Variants in CGA observed in about 807,000 individuals in gnomAD.
CGA encodes the protein glycoprotein hormones alpha chain.
In CGA, 4 loss-of-function variants were observed where a neutral mutation model predicts 12.0. That is an observed-to-expected ratio of 0.33 (90% CI 0.16 to 0.76). CGA has a LOEUF of 0.76. Ranked by LOEUF, CGA falls within the 30% of genes least tolerant of loss-of-function variation. CGA has a pLI of 0.60. For missense variants in CGA, 102 were observed against 143.5 expected (o/e 0.71, Z 1.48); for synonymous variants, 60 against 56.6 (o/e 1.06, Z -0.27).
In CGA at chr6:87,086,005, A is replaced by G. The variant is rs186475201; in HGVS notation, c.274-172T>C. 19 of 665,592 alleles carry G rather than the reference A, an allele frequency of 2.9e-5. No individual in the cohort carries two copies. The Admixed American group carries it at 3.4e-4, about 12-fold the overall frequency. The allele number at this position is 665,592 out of a possible 1,614,324, so 41.2% of individuals were successfully genotyped here. On this transcript the variant is annotated intron_variant, in intron 3 of 3. Coordinates refer to ENST00000627148, the MANE Select transcript of CGA (RefSeq NM_000735.4). ...AATATTTTTAGCACAAGTAAGCTGT[A>G]CTTTCTCCCAACCTGCCCCTTGTCA...
chr6:87,093,911 A>G (rs1315440575), intron 1 of CGA, among the ~76,000 whole-genome samples: 1 of 152,224 alleles, frequency 6.6e-6, no homozygotes, highest in Non-Finnish European at 1.5e-5. Context: ...TAAGAAAACC[A>G]AAGTTGAAAT....
In CGA at chr6:87,094,143, A is replaced by C. The variant is rs575395474; in HGVS notation, c.-8+870T>G. On this transcript the variant is annotated intron_variant, in intron 1 of 3. Coordinates refer to ENST00000627148, the MANE Select transcript of CGA (RefSeq NM_000735.4). Reference sequence around the variant, plus strand: ...GACTTTTGACTGGGAAAAAGATTGAAGAGCTTAAGAAACAAAATATCTACA... The same window carrying C: ...GACTTTTGACTGGGAAAAAGATTGACGAGCTTAAGAAACAAAATATCTACA... Among the ~76,000 whole-genome samples the C allele has an allele frequency of 3.9e-5, 6 of 152,328 alleles. No individual in the cohort carries two copies. The South Asian group carries it at 8.3e-4, about 21-fold the overall frequency.
At chr6:87,088,749 T>A (rs962127421) in intron 1 of CGA, 1 of 152,192 alleles carries the variant, frequency 6.6e-6, no homozygotes, top group African/African-American at 2.4e-5. Flanking sequence ...CACCAAATAC[T>A]GGCATGGATG....
chr6:87,089,657 T>G (rs1769395134), intron 1 of CGA, among the ~76,000 whole-genome samples: 1 of 152,222 alleles, frequency 6.6e-6, no homozygotes, highest in Admixed American at 6.5e-5. Context: ...GGGCTGAGTT[T>G]CTGCTAGATG....
At chr6:87,086,536 G>A (rs1278629527) in intron 2 of CGA, 102 bp from the exon 3 acceptor site, 16 of 1,150,382 alleles carry the variant, frequency 1.4e-5, no homozygotes, top group Non-Finnish European at 2.0e-5. Context: ...TAGCACTTTG[G>A]GAGGCCTTAG....
chr6:87,088,005 A>C (rs1001730548), intron 2 of CGA, 108 bp downstream of exon 2: 10 of 544,044 alleles, frequency 1.8e-5, no homozygotes, highest in Admixed American at 6.8e-5. Flanking sequence ...AGCAGCAAAG[A>C]CTTATTACTT....
At chr6:87,086,506 G>A (rs1451214600) in intron 2 of CGA, 72 bp from the exon 3 acceptor site, 3 of 1,442,376 alleles carry the variant, frequency 2.1e-6, no homozygotes, top group Non-Finnish European at 2.8e-6. Flanking sequence ...GGCCAGCACA[G>A]TAGCTCACGC....
chr6:87,089,496 G>T (rs1033147697), intron 1 of CGA, among the ~76,000 whole-genome samples: 2 of 152,098 alleles, frequency 1.3e-5, no homozygotes, highest in African/African-American at 4.8e-5. Context: ...CAAGCTGAAG[G>T]ATATACAGGA....
rs1769302910 is a variant in CGA, at chr6:87,085,614, AG to A, written c.*141del. On this transcript the variant is annotated 3_prime_UTR_variant, in exon 4 of 4. Transcript: ENST00000627148. ...TGTAGGATAAGGAGGAAGGCAGTAA[AG>A]CTGCAGTATATCCTTGAAGCGTGTC... The A allele has an allele frequency of 1.6e-6, 1 of 643,978 alleles. No homozygotes were observed. 39.9% of individuals were successfully genotyped at this position (643,978 alleles called of 1,614,324 possible). A position where few individuals can be genotyped will look rare whatever the true frequency, so the allele number is the denominator to read the frequency against.
chr6:87,092,558 AAGAAG>A (rs897395584), intron 1 of CGA, among the ~76,000 whole-genome samples: 4 of 151,534 alleles, frequency 2.6e-5, no homozygotes, highest in African/African-American at 7.3e-5. Context: ...AGAAAAAGAA[AAGAAG>A]AGGAGAGGAG....
chr6:87,088,005 A>G, intron 2 of CGA, 108 bp downstream of exon 2: 2 of 544,162 alleles, frequency 3.7e-6, no homozygotes, highest in East Asian at 3.2e-5. Context: ...AGCAGCAAAG[A>G]CTTATTACTT....
In CGA at chr6:87,088,224, C is replaced by CA. The variant is rs71553498; in HGVS notation, c.-7-18dup. The CA allele has an allele frequency of 0.088, 36,249 of 411,570 alleles. 39 individuals are homozygous for CA. The highest frequency in any genetic ancestry group is 0.095 in the South Asian group (1,530 of 16,146). 25.5% of individuals were successfully genotyped at this position (411,570 alleles called of 1,614,324 possible). On this transcript the variant is annotated splice_polypyrimidine_tract_variant and intron_variant, in intron 1 of 3. Transcript: ENST00000627148. ...ATGGCGCTCCTGCAGACAGACATGG[C>CA]AAAAAAAAAAAAACAAAAAACAGTT...
intron 2 of CGA, chr6:87,087,864 A>T (rs1769352685): frequency 3.5e-6 from 1 of 281,856 alleles, no homozygotes; most frequent in East Asian, 5.7e-5. Context: ...AAGAATAAAA[A>T]GGAATCTATT....
intron 1 of CGA, among the ~76,000 whole-genome samples, chr6:87,089,518 A>G (rs1394550788): frequency 1.3e-5 from 2 of 152,188 alleles, no homozygotes; most frequent in African/African-American, 2.4e-5. Flanking sequence ...TTCTCTGTAC[A>G]TTTTTTGCAA....
intron 1 of CGA, among the ~76,000 whole-genome samples, chr6:87,089,327 A>ACTAAT (rs1174300156): frequency 6.6e-6 from 1 of 152,006 alleles, no homozygotes; most frequent in Non-Finnish European, 1.5e-5. Flanking sequence ...TGTTAGTCAC[A>ACTAAT]CTAATCTACA....
Position 87,085,645 on chromosome 6 carries a change from TG to T in CGA, c.*110del, listed in dbSNP as rs1769303827. 4 of 736,116 alleles carry T rather than the reference TG, an allele frequency of 5.4e-6. No individual in the cohort carries two copies. In the South Asian group the frequency reaches 6.3e-5, roughly 12 times the overall value. The allele number at this position is 736,116 out of a possible 1,614,324, so 45.6% of individuals were successfully genotyped here. On this transcript the variant is annotated 3_prime_UTR_variant, in exon 4 of 4. Coordinates refer to ENST00000627148, the MANE Select transcript of CGA (RefSeq NM_000735.4). ...AGTATATCCTTGAAGCGTGTCAAAG[TG>T]GTATGGTAAGGAAAAGGAGAGTTTT...
intron 2 of CGA, chr6:87,086,687 G>C (rs1411363584): frequency 7.9e-6 from 3 of 381,814 alleles, no homozygotes; most frequent in African/African-American, 6.2e-5. Flanking sequence ...TTGAGGGTCT[G>C]GGGCAGAAGA....
At position 87,085,524 on chromosome 6, in the gene CGA, T is replaced by C; in HGVS notation, c.*232A>G. ...TGAATGATGATTTAAAAGGCTTTAT[T>C]TGCAGTGGAACAAGCTAAATGCTGT... On this transcript the variant is annotated 3_prime_UTR_variant, in exon 4 of 4. Transcript: ENST00000627148. The C allele has an allele frequency of 2.4e-6, 1 of 412,952 alleles. No individual in the cohort carries two copies. 25.6% of individuals were successfully genotyped at this position (412,952 alleles called of 1,614,324 possible).
intron 2 of CGA, 138 bp from the exon 3 acceptor site, chr6:87,086,572 T>C: frequency 1.4e-6 from 1 of 717,058 alleles, no homozygotes; most frequent in Non-Finnish European, 2.3e-6. Context: ...AGCTCAGGAG[T>C]TTGAGAGCAG....
Sources: gnomAD v4.1 joint callset for allele counts (sites outside exome capture counted in the v4.1 genomes callset) on GRCh38, gnomAD v4.1.1 for gene constraint, MANE v1.5 for transcripts, NCBI Gene and HGNC (gene_info 2026-07-23, HGNC 2026-07-21) for gene names.